The following UGT2A3 variants were observed in gnomAD, a reference collection of about 807,000 sequenced individuals.
The protein encoded by UGT2A3 is UDP glucuronosyltransferase family 2 member A3, also known as UDP-glucuronosyltransferase 2A3.
A neutral mutation model predicts 44.1 loss-of-function variants in UGT2A3; 55 were observed. The observed-to-expected ratio is 1.25, with a 90% CI of 1.00 to 1.56. The LOEUF is 1.56. Among genes scored for constraint, UGT2A3 ranks in the 40% most tolerant of loss-of-function variants. The probability of loss-of-function intolerance (pLI) is 0.00; values close to 1 mark genes in which losing one functional copy is unlikely to be tolerated. For missense variants in UGT2A3, 733 were observed against 621.6 expected (o/e 1.18, Z -1.91); for synonymous variants, 243 against 215.1 (o/e 1.13, Z -1.13).
Position 68,937,068 on chromosome 4 carries a change from C to T in UGT2A3, c.865-4309G>A, listed in dbSNP as rs147865844. ...CACCCAATACAGGAGCACCCAGATT[C>T]ATAAAGCAAGTCCTGAGAGACCGAC... On this transcript the variant is annotated intron_variant, in intron 2 of 5. Transcript: ENST00000251566. Among the ~76,000 whole-genome samples, 663 of 152,094 alleles carry T rather than the reference C, an allele frequency of 4.4e-3. 1 individual carries two copies. The highest frequency in any genetic ancestry group is 0.015 in the African/African-American group (634 of 41,514).
intron 2 of UGT2A3, among the ~76,000 whole-genome samples, chr4:68,935,303 T>TATATATATATATAC (rs1717901975): frequency 9.3e-6 from 1 of 107,346 alleles, no homozygotes; most frequent in Non-Finnish European, 1.8e-5. Flanking sequence ...TATATATATA[T>TATATATATATATAC]ATATATATAT....
At chr4:68,946,095 A>G (rs1459482962) in intron 1 of UGT2A3, among the ~76,000 whole-genome samples, 2 of 151,622 alleles carry the variant, frequency 1.3e-5, no homozygotes, top group Non-Finnish European at 3.0e-5. Flanking sequence ...TGTACATGCT[A>G]TGATAATCAT....
At chr4:68,945,776 T>C (rs1448089794) in intron 1 of UGT2A3, among the ~76,000 whole-genome samples, 3 of 151,420 alleles carry the variant, frequency 2.0e-5, no homozygotes, top group Non-Finnish European at 4.4e-5. Flanking sequence ...CAGATGGTTA[T>C]ATTTAAGTGT....
rs762309938 is a variant in UGT2A3 at position 68,951,301 on chromosome 4, A to T, written c.460T>A (p.Cys154Ser). The T allele has an allele frequency of 6.2e-7, 1 of 1,612,280 alleles. No individual in the cohort carries two copies. Among genetic ancestry groups the T allele is most frequent in the African/African-American group, 1.3e-5 (1 of 74,816 alleles). Residue 154 changes from cysteine to serine, a missense_variant, in exon 1 of 6, where the codon TGT becomes AGT. Physicochemically the swap from Cys to Ser is moderately radical, Grantham distance 112. Coordinates refer to ENST00000251566, the MANE Select transcript of UGT2A3 (RefSeq NM_024743.4). ...DVMLIDPVIP[C>S]GDLMAELLAV... Reference sequence around the variant, plus strand: ...AGCAACTCAGCCATCAGGTCTCCACAGGGAATCACAGGGTCTATAAGCATT... The same window carrying T: ...AGCAACTCAGCCATCAGGTCTCCACTGGGAATCACAGGGTCTATAAGCATT...
chr4:68,932,949 A>G (rs1717790358), intron 2 of UGT2A3, among the ~76,000 whole-genome samples, 190 bp from the exon 3 acceptor site: 1 of 152,016 alleles, frequency 6.6e-6, no homozygotes, highest in African/African-American at 2.4e-5. Context: ...TGTGGCTTAA[A>G]TATGTAATCA....
chr4:68,930,197 C>A, intron 5 of UGT2A3, 105 bp from the exon 6 acceptor site: 1 of 1,270,486 alleles, frequency 7.9e-7, no homozygotes, highest in Non-Finnish European at 1.1e-6. Flanking sequence ...AGAACATGTT[C>A]AGTAAAAGAT....
In UGT2A3 at chr4:68,930,708, G is replaced by A. The variant is rs760196336; in HGVS notation, c.1142C>T (p.Ala381Val). The A allele has an allele frequency of 6.2e-7, 1 of 1,612,692 alleles. No homozygotes were observed. The highest frequency in any genetic ancestry group is 8.5e-7 in the Non-Finnish European group (1 of 1,179,306). ...CACCATAGGGACCCCATGGTAAATA[G>A]CTTCATAGATCCCATTCATTCCACC... ...THGGMNGIYE[A>V]IYHGVPMVGV... Residue 381 changes from alanine to valine, a missense_variant, in exon 5 of 6, where the codon GCT (alanine) becomes GTT (valine). Physicochemically the swap from Ala to Val is moderately conservative, Grantham distance 64. Coordinates refer to ENST00000251566, the MANE Select transcript of UGT2A3 (RefSeq NM_024743.4).
rs114276569 is a variant in UGT2A3, at chr4:68,944,688, G to A, written c.864+618C>T. ...GGTTGAAACCTTGTTTTTCTCAAAT[G>A]GCTTTTATTAAACCTCACCTAACAT... On this transcript the variant is annotated intron_variant, in intron 2 of 5. Coordinates refer to ENST00000251566, the MANE Select transcript of UGT2A3 (RefSeq NM_024743.4). Among the ~76,000 whole-genome samples the A allele has an allele frequency of 3.0e-3, 451 of 151,802 alleles. 1 individual carries two copies. Among genetic ancestry groups the A allele is most frequent in the African/African-American group, 0.01 (430 of 41,498 alleles).
At chr4:68,932,541 A>G in intron 3 of UGT2A3, 87 bp downstream of exon 3, 1 of 1,489,086 alleles carries the variant, frequency 6.7e-7, no homozygotes, top group East Asian at 2.3e-5. Context: ...TGTTATGCTA[A>G]GTGGAAAATG....
At chr4:68,944,732 G>T (rs1378559877) in intron 2 of UGT2A3, among the ~76,000 whole-genome samples, 1 of 151,690 alleles carries the variant, frequency 6.6e-6, no homozygotes, top group Non-Finnish European at 1.5e-5. Flanking sequence ...GCTCAAAGTG[G>T]ATAGTCACAA....
chr4:68,942,524 TATATATATATATATAC>T (rs1024384724), intron 2 of UGT2A3, among the ~76,000 whole-genome samples: 6 of 140,720 alleles, frequency 4.3e-5, no homozygotes, highest in East Asian at 2.1e-4. Context: ...TATATATATA[TATATATATATATATAC>T]ATTTTCCAAT....
rs367829474 is a variant in UGT2A3, at chr4:68,951,581, C to T, written c.180G>A (p.Lys60=). The T allele has an allele frequency of 4.2e-5, 68 of 1,612,916 alleles. No homozygotes were observed. Among genetic ancestry groups the T allele is most frequent in the Non-Finnish European group, 5.3e-5 (62 of 1,179,478 alleles). The part of the protein sequence containing the change: ...GHEVTVLTHS[K]PSLIDYRKPS... ...GCTTCCTGTAGTCAATTAACGAAGG[C>T]TTTGAGTGAGTCAATACTGTTACCT... Residue 60 remains lysine (K), a synonymous_variant, in exon 1 of 6, where the codon AAG becomes AAA. Transcript: ENST00000251566.
At chr4:68,938,379 C>A (rs1315744389) in intron 2 of UGT2A3, among the ~76,000 whole-genome samples, 1 of 152,042 alleles carries the variant, frequency 6.6e-6, no homozygotes, top group Admixed American at 6.6e-5. Flanking sequence ...GGCTTCATCC[C>A]CGGAGGCAAG....
chr4:68,946,093 C>T (rs1371339592), intron 1 of UGT2A3, among the ~76,000 whole-genome samples: 1 of 151,524 alleles, frequency 6.6e-6, no homozygotes, highest in East Asian at 2.0e-4. Flanking sequence ...TATGTACATG[C>T]TATGATAATC....
At position 68,946,401 on chromosome 4, in the gene UGT2A3, G is replaced by A. The variant is rs996506781; in HGVS notation, c.716-947C>T. Among the ~76,000 whole-genome samples, 6 of 151,560 alleles carry A rather than the reference G, an allele frequency of 4.0e-5. No homozygotes were observed. In the East Asian group the frequency reaches 9.8e-4, roughly 25 times the overall value. On this transcript the variant is annotated intron_variant, in intron 1 of 5. Coordinates refer to ENST00000251566, the MANE Select transcript of UGT2A3 (RefSeq NM_024743.4). ...TTTTTCCTAGGTCATAAATCCAAAC[G>A]CCTTGAATTTGATAGTGAATAAATT...
intron 5 of UGT2A3, 39 bp downstream of exon 5, chr4:68,930,507 G>A: frequency 6.5e-7 from 1 of 1,527,348 alleles, no homozygotes; most frequent in Non-Finnish European, 8.9e-7. Context: ...GTATAACATA[G>A]TCAATGTTAG....
intron 2 of UGT2A3, 66 bp downstream of exon 2, chr4:68,945,240 T>A: frequency 1.3e-6 from 2 of 1,577,122 alleles, no homozygotes; most frequent in South Asian, 2.2e-5. Flanking sequence ...ACTAAGGTTG[T>A]AATCTTTCAA....
At chr4:68,932,545 G>A in intron 3 of UGT2A3, 83 bp downstream of exon 3, 1 of 1,499,358 alleles carries the variant, frequency 6.7e-7, no homozygotes, top group South Asian at 1.4e-5. Context: ...ATGCTAAGTG[G>A]AAAATGAGAT....
At chr4:68,933,792 C>A (rs1409384469) in intron 2 of UGT2A3, among the ~76,000 whole-genome samples, 1 of 151,988 alleles carries the variant, frequency 6.6e-6, no homozygotes, top group Non-Finnish European at 1.5e-5. Flanking sequence ...TCTGGCACAG[C>A]ATTATGTTTT....
Sources: gnomAD v4.1 joint callset for allele counts (sites outside exome capture counted in the v4.1 genomes callset) on GRCh38, gnomAD v4.1.1 for gene constraint, MANE v1.5 for transcripts, NCBI Gene and HGNC (gene_info 2026-07-23, HGNC 2026-07-21) for gene names.